The following CBFB variants were observed in gnomAD, a reference collection of about 807,000 sequenced individuals.
CBFB encodes the protein core-binding factor subunit beta.
CBFB carries 9 observed loss-of-function variants against 30.4 expected under a neutral mutation model. That is an observed-to-expected ratio of 0.30 (90% CI 0.18 to 0.52). CBFB has a LOEUF of 0.52. CBFB is among the 20% of genes least tolerant of loss of function. The probability of loss-of-function intolerance (pLI) is 0.97; values close to 1 mark genes in which losing one functional copy is unlikely to be tolerated. For synonymous variants in CBFB, 94 were observed against 84.0 expected (o/e 1.12, Z -0.65); for missense variants, 170 against 244.0 (o/e 0.70, Z 2.02).
intron 4 of CBFB, among the ~76,000 whole-genome samples, chr16:67,073,810 C>A (rs376444886): frequency 7.7e-5 from 11 of 143,692 alleles, no homozygotes; most frequent in African/African-American, 2.9e-4. Context: ...CTGAGGCGGG[C>A]AAATCACCTG....
chr16:67,087,199 A>G (rs1961757536), intron 5 of CBFB, among the ~76,000 whole-genome samples: 1 of 152,222 alleles, frequency 6.6e-6, no homozygotes, highest in Non-Finnish European at 1.5e-5. Flanking sequence ...TTGACAATTA[A>G]TGGAACAACT....
Position 67,099,009 on chromosome 16 carries a change from T to TC in CBFB, c.*232dup, listed in dbSNP as rs1597168068. 2 of 415,194 alleles carry TC rather than the reference T, an allele frequency of 4.8e-6. No homozygotes were observed. Among genetic ancestry groups the TC allele is most frequent in the Non-Finnish European group, 8.5e-6 (2 of 235,058 alleles). The allele number at this position is 415,194 out of a possible 1,614,324, so 25.7% of individuals were successfully genotyped here. On this transcript the variant is annotated 3_prime_UTR_variant, in exon 6 of 6. Transcript: ENST00000412916. Reference sequence around the variant, plus strand: ...GCCAGTAATAATTTGAAGTTTTTTTTCTATGCAAGCTTACCTTGTTGGCAT... The same window carrying TC: ...GCCAGTAATAATTTGAAGTTTTTTTTCCTATGCAAGCTTACCTTGTTGGCAT...
At chr16:67,072,437 A>G (rs1304951823) in intron 4 of CBFB, among the ~76,000 whole-genome samples, 3 of 152,016 alleles carry the variant, frequency 2.0e-5, no homozygotes, top group Non-Finnish European at 4.4e-5. Context: ...AAGAATATAT[A>G]GATTTTTCAA....
At position 67,099,654 on chromosome 16, in the gene CBFB, C is replaced by T. The variant is rs1249428919; in HGVS notation, c.*876C>T. On this transcript the variant is annotated 3_prime_UTR_variant, in exon 6 of 6. Coordinates refer to ENST00000412916, the MANE Select transcript of CBFB (RefSeq NM_022845.3). ...GGAGATATTCTCCATAGATGATCTT[C>T]TACTGAAATGCCTAAAGAAGTCACA... is the stretch of plus-strand genomic sequence containing the variant. 2.9e-5 allele frequency: 6 copies of T among 204,432 alleles called. No individual in the cohort carries two copies. The allele number at this position is 204,432 out of a possible 1,614,324, so 12.7% of individuals were successfully genotyped here.
At position 67,036,697 on chromosome 16, in the gene CBFB, G is replaced by A. The variant is rs1466296973; in HGVS notation, c.224G>A (p.Gly75Glu). The change falls in exon 3 of 6, where the codon GGA becomes GAA. Residue 75 changes from glycine to glutamate, a missense_variant. Gly to Glu is a moderately conservative substitution (Grantham distance 98). Coordinates refer to ENST00000412916, the MANE Select transcript of CBFB (RefSeq NM_022845.3). ...SLQFFPASWQ[G>E]EQRQTPSREY... is the part of the protein sequence containing the mutation. The stretch of plus-strand genomic sequence containing the variant: ...CAGTTTTTTCCGGCCAGCTGGCAGG[G>A]AGAACAGCGACAAACACCTAGCCGA... 6.2e-7 allele frequency: 1 copy of A among 1,613,976 alleles called. No homozygotes were observed. Among genetic ancestry groups the A allele is most frequent in the Non-Finnish European group, 8.5e-7 (1 of 1,179,890 alleles).
chr16:67,081,731 G>A lies in CBFB; in HGVS notation c.400-482G>A, dbSNP rs192201891. ...TGAGGCAGGAGAATTGCTGTAATGG[G>A]GTTAAGCCTATGATTTTCAGGTTGT... On this transcript the variant is annotated intron_variant, in intron 4 of 5. Coordinates refer to ENST00000412916, the MANE Select transcript of CBFB (RefSeq NM_022845.3). Among the ~76,000 whole-genome samples, 153 of 152,108 alleles carry A rather than the reference G, an allele frequency of 1.0e-3. No individual in the cohort carries two copies. In the East Asian group the frequency reaches 0.023, roughly 22 times the overall value.
At chr16:67,079,881 T>C (rs1197871030) in intron 4 of CBFB, among the ~76,000 whole-genome samples, 1 of 152,192 alleles carries the variant, frequency 6.6e-6, no homozygotes, top group Non-Finnish European at 1.5e-5. Context: ...ACACAGTGGC[T>C]TACGCCTATA....
intron 3 of CBFB, among the ~76,000 whole-genome samples, chr16:67,057,263 G>A (rs529167388): frequency 1.8e-4 from 27 of 152,308 alleles, no homozygotes; most frequent in African/African-American, 5.8e-4. Context: ...GATTACAGGC[G>A]TGAGCCACCG....
At chr16:67,068,933 G>T (rs1254342939) in intron 4 of CBFB, among the ~76,000 whole-genome samples, 1 of 152,082 alleles carries the variant, frequency 6.6e-6, no homozygotes, top group Admixed American at 6.6e-5. Context: ...TGGAGTTGAG[G>T]CTGGCCGTGG....
intron 3 of CBFB, among the ~76,000 whole-genome samples, chr16:67,048,707 C>T (rs145920093): frequency 0.037 from 5,514 of 151,000 alleles, 143 homozygotes; most frequent in South Asian, 0.078. Flanking sequence ...CCCGCCACCA[C>T]GCCTGGCTAA....
chr16:67,052,258 C>T (rs1227671572), intron 3 of CBFB, among the ~76,000 whole-genome samples: 3 of 152,124 alleles, frequency 2.0e-5, no homozygotes, highest in Admixed American at 1.3e-4. Flanking sequence ...TTAATTTCAC[C>T]TCTTTTTACT....
rs369609878 is a variant in CBFB at position 67,044,393 on chromosome 16, A to G, written c.282+7638A>G. The stretch of plus-strand genomic sequence containing the variant: ...AGAAAAAGAGAGGTTAAACTTTTCT[A>G]TGGTTGTTACATTCTTGTTTATAGC... On this transcript the variant is annotated intron_variant, in intron 3 of 5. Transcript: ENST00000412916. Among the ~76,000 whole-genome samples the G allele has an allele frequency of 3.5e-4, 54 of 152,298 alleles. No homozygotes were observed. The East Asian group carries it at 6.0e-3, about 17-fold the overall frequency.
At chr16:67,033,830 T>TC (rs1317549874) in intron 2 of CBFB, among the ~76,000 whole-genome samples, 1 of 147,598 alleles carries the variant, frequency 6.8e-6, no homozygotes, top group African/African-American at 2.5e-5. Flanking sequence ...TTTTTTTTTT[T>TC]TTTTTTTTTG....
chr16:67,048,332 C>A (rs1371022529), intron 3 of CBFB, among the ~76,000 whole-genome samples: 1 of 152,088 alleles, frequency 6.6e-6, no homozygotes, highest in Non-Finnish European at 1.5e-5. Flanking sequence ...CCTGAATATT[C>A]TGTATGAAAA....
intron 5 of CBFB, among the ~76,000 whole-genome samples, chr16:67,096,400 A>G (rs2145788154): frequency 6.6e-6 from 1 of 152,168 alleles, no homozygotes; most frequent in Middle Eastern, 3.4e-3. Flanking sequence ...CTTGGCCAAC[A>G]TTTGGAGGCA....
chr16:67,032,692 G>T (rs1228876160), intron 2 of CBFB, among the ~76,000 whole-genome samples: 2 of 152,094 alleles, frequency 1.3e-5, no homozygotes, highest in Non-Finnish European at 2.9e-5. Flanking sequence ...TTAATTTAAT[G>T]CCTGAAATTT....
chr16:67,060,539 G>A (rs1960880218), intron 3 of CBFB, among the ~76,000 whole-genome samples: 2 of 152,028 alleles, frequency 1.3e-5, no homozygotes, highest in South Asian at 2.1e-4. Context: ...ACGTTTCTGG[G>A]GGGTTTTTTG....
At chr16:67,090,192 A>C (rs1213611313) in intron 5 of CBFB, among the ~76,000 whole-genome samples, 1 of 152,184 alleles carries the variant, frequency 6.6e-6, no homozygotes, top group African/African-American at 2.4e-5. Context: ...TGGTAATGTT[A>C]GTTCTTGACC....
At chr16:67,070,339 G>C (rs1961184272) in intron 4 of CBFB, among the ~76,000 whole-genome samples, 1 of 152,146 alleles carries the variant, frequency 6.6e-6, no homozygotes, top group African/African-American at 2.4e-5. Context: ...AGGAGTTCCA[G>C]CCCAGCCTAG....
Sources: allele counts gnomAD v4.1 joint callset (sites outside exome capture counted in the v4.1 genomes callset), GRCh38; gene constraint gnomAD v4.1.1; transcripts MANE v1.5; gene names NCBI Gene and HGNC (gene_info 2026-07-23, HGNC 2026-07-21).